CDC42BPA: variants seen among roughly 807,000 people sequenced by gnomAD.
The protein encoded by CDC42BPA is serine/threonine-protein kinase MRCK alpha.
In CDC42BPA, 80 loss-of-function variants were observed where a neutral mutation model predicts 223.5. The observed-to-expected ratio is 0.36, with a 90% confidence interval of 0.30 to 0.43. The LOEUF is 0.43. Among genes scored for constraint, CDC42BPA ranks in the 20% least tolerant of loss-of-function variants. The pLI is 1.00. For missense variants in CDC42BPA, 1,743 were observed against 2,099.9 expected (o/e 0.83, Z 3.32); for synonymous variants, 694 against 718.6 (o/e 0.97, Z 0.55).
Position 226,992,796 on chromosome 1 carries a change from A to C in CDC42BPA, c.*1472T>G, listed in dbSNP as rs1405169148. 6.6e-6 allele frequency: 1 copy of C among 152,234 alleles called. No homozygotes were observed. The highest frequency in any genetic ancestry group is 1.5e-5 in the Non-Finnish European group (1 of 68,050). 9.4% of individuals were successfully genotyped at this position (152,234 alleles called of 1,614,324 possible). A position where few individuals can be genotyped will look rare whatever the true frequency, so the allele number is the denominator to read the frequency against. The stretch of plus-strand genomic sequence containing the variant: ...TAACTGGTGAAATGATTCTGTAGAA[A>C]TAGATCCTTCTGATTCTGCATCTCA... On this transcript the variant is annotated 3_prime_UTR_variant, in exon 37 of 37. Transcript: ENST00000366766.
chr1:227,263,078 C>T (rs1684363766), intron 1 of CDC42BPA, among the ~76,000 whole-genome samples: 1 of 152,046 alleles, frequency 6.6e-6, no homozygotes, highest in South Asian at 2.1e-4. Context: ...ACTAAAAATA[C>T]AAAAATTAGC....
intron 1 of CDC42BPA, among the ~76,000 whole-genome samples, chr1:227,274,120 A>G (rs929541349): frequency 6.6e-5 from 10 of 151,990 alleles, no homozygotes; most frequent in Middle Eastern, 3.4e-3. Context: ...TCCGTAGTAT[A>G]TATCTCCTAA....
intron 15 of CDC42BPA, among the ~76,000 whole-genome samples, chr1:227,092,843 T>C (rs1683327459): frequency 6.6e-6 from 1 of 152,202 alleles, no homozygotes; most frequent in Admixed American, 6.5e-5. Context: ...ATTTTATTAG[T>C]GTTCTTCAGA....
At chr1:227,202,227 C>A (rs965335887) in intron 3 of CDC42BPA, among the ~76,000 whole-genome samples, 2 of 152,136 alleles carry the variant, frequency 1.3e-5, no homozygotes, top group South Asian at 4.1e-4. Context: ...CGTGATCCGC[C>A]CACCTTGGCC....
intron 2 of CDC42BPA, among the ~76,000 whole-genome samples, chr1:227,215,107 A>G (rs1389812221): frequency 6.6e-6 from 1 of 152,206 alleles, no homozygotes; most frequent in African/African-American, 2.4e-5. Context: ...CCAAACCCCA[A>G]TGAGAATGTT....
Position 226,990,895 on chromosome 1 carries a change from A to G in CDC42BPA, c.*3373T>C, listed in dbSNP as rs1288480147. 4 of 152,660 alleles carry G rather than the reference A, an allele frequency of 2.6e-5. No individual in the cohort carries two copies. Among genetic ancestry groups the G allele is most frequent in the African/African-American group, 4.8e-5 (2 of 41,456 alleles). The allele number at this position is 152,660 out of a possible 1,614,324, so 9.5% of individuals were successfully genotyped here. On this transcript the variant is annotated 3_prime_UTR_variant, in exon 37 of 37. Coordinates refer to ENST00000366766, the MANE Select transcript of CDC42BPA (RefSeq NM_001394014.1). ...GATTCTCCCCTGAAATGTGAGTACA[A>G]TAATTGGCTGGAAAACCAAATAGAT... is the stretch of plus-strand genomic sequence containing the variant.
intron 16 of CDC42BPA, among the ~76,000 whole-genome samples, chr1:227,084,307 C>T (rs1179861139): frequency 6.6e-6 from 1 of 152,084 alleles, no homozygotes; most frequent in Non-Finnish European, 1.5e-5. Context: ...GTGGGAGGAT[C>T]ACCTGAGGTT....
At chr1:227,109,405 A>C (rs2149369232) in intron 14 of CDC42BPA, among the ~76,000 whole-genome samples, 1 of 152,208 alleles carries the variant, frequency 6.6e-6, no homozygotes, top group South Asian at 2.1e-4. Flanking sequence ...TCACTCTGTC[A>C]CCCAGGCTGG....
At chr1:227,262,572 A>C (rs559631427) in intron 1 of CDC42BPA, among the ~76,000 whole-genome samples, 1 of 152,324 alleles carries the variant, frequency 6.6e-6, no homozygotes, top group South Asian at 2.1e-4. Context: ...GGATACTAAG[A>C]ATATAGCCAT....
intron 24 of CDC42BPA, among the ~76,000 whole-genome samples, chr1:227,037,654 C>T (rs1330894614): frequency 1.3e-5 from 2 of 152,110 alleles, no homozygotes; most frequent in East Asian, 3.8e-4. Flanking sequence ...GGTCCCTTCC[C>T]ATTCTAACAG....
chr1:227,205,002 T>C (rs1672409335), intron 3 of CDC42BPA, among the ~76,000 whole-genome samples: 1 of 151,962 alleles, frequency 6.6e-6, no homozygotes, highest in Admixed American at 6.6e-5. Context: ...CTCGCGCCTG[T>C]AATCCCAGCA....
rs2148285757 is a variant in CDC42BPA at position 227,254,135 on chromosome 1, CT to C, written c.198del (p.Val67Ter). On this transcript the variant is annotated frameshift_variant, in exon 2 of 37. Coordinates refer to ENST00000366766, the MANE Select transcript of CDC42BPA (RefSeq NM_001394014.1). LOFTEE classifies it high-confidence loss of function. ...TCTCTATGTAATCGCATTTGTTTCA[CT>C]TTAGAAGTAAATGGTTTAGCTGAAA... ...YLEWAKPFTSKVKQMRLHRED... is the reference protein window; with the variant it reads ...YLEWAKPFTSXVKQMRLHRED... 1 of 1,578,470 alleles carries C rather than the reference CT, an allele frequency of 6.3e-7. No homozygotes were observed. The highest frequency in any genetic ancestry group is 8.7e-7 in the Non-Finnish European group (1 of 1,154,870).
chr1:227,229,232 T>A (rs1027040226), intron 2 of CDC42BPA, among the ~76,000 whole-genome samples: 2 of 152,200 alleles, frequency 1.3e-5, no homozygotes, highest in African/African-American at 4.8e-5. Context: ...TTCTTTCACA[T>A]GTGGATATCC....
At chr1:227,003,061 T>C (rs1054025191) in intron 35 of CDC42BPA, among the ~76,000 whole-genome samples, 3 of 152,182 alleles carry the variant, frequency 2.0e-5, no homozygotes, top group Non-Finnish European at 2.9e-5. Context: ...TTCATCTTTA[T>C]GTCGTCAGAA....
intron 21 of CDC42BPA, among the ~76,000 whole-genome samples, chr1:227,052,717 T>C (rs1279358581): frequency 1.3e-5 from 2 of 152,200 alleles, no homozygotes; most frequent in East Asian, 3.8e-4. Context: ...GAATATGTTG[T>C]ACAGCAAAAC....
At chr1:227,052,064 G>T in intron 21 of CDC42BPA, 79 bp from the exon 22 acceptor site, 2 of 733,172 alleles carry the variant, frequency 2.7e-6, no homozygotes, top group Non-Finnish European at 4.4e-6. Flanking sequence ...ATTTCTGTAA[G>T]GCATGATTAT....
intron 11 of CDC42BPA, 51 bp downstream of exon 11, chr1:227,129,058 A>AT: frequency 8.0e-7 from 1 of 1,247,384 alleles, no homozygotes; most frequent in Non-Finnish European, 1.1e-6. Context: ...TGAATAAACC[A>AT]TTTTTTAAAC....
At chr1:227,257,395 G>A (rs73096374) in intron 1 of CDC42BPA, among the ~76,000 whole-genome samples, 19,213 of 147,668 alleles carry the variant, frequency 0.13, 1,779 homozygotes, top group Middle Eastern at 0.2. Context: ...CAAAACCACT[G>A]AATTGTATAC....
intron 11 of CDC42BPA, among the ~76,000 whole-genome samples, chr1:227,127,516 C>T (rs1656077518): frequency 6.6e-6 from 1 of 152,172 alleles, no homozygotes; most frequent in Non-Finnish European, 1.5e-5. Context: ...AAATCGATAT[C>T]GCTTCTCTGA....
Sources: allele counts gnomAD v4.1 joint callset (sites outside exome capture counted in the v4.1 genomes callset), GRCh38; gene constraint gnomAD v4.1.1; transcripts MANE v1.5; gene names NCBI Gene and HGNC (gene_info 2026-07-23, HGNC 2026-07-21).